Variants in VWA3A observed in about 807,000 individuals in gnomAD.
VWA3A encodes von Willebrand factor A domain-containing protein 3A.
Under a neutral mutation model 160.4 loss-of-function variants are expected in VWA3A, and 134 were observed. The ratio of observed to expected loss-of-function variants is 0.84; its 90% confidence interval spans 0.73 to 0.96. The LOEUF is 0.96. VWA3A is among the 40% of genes least tolerant of loss of function. VWA3A has a pLI of 0.00. For synonymous variants in VWA3A, 476 were observed against 543.4 expected (o/e 0.88, Z 1.72); for missense variants, 1,310 against 1,447.9 (o/e 0.90, Z 1.55).
chr16:22,149,799 C>T lies in VWA3A; in HGVS notation c.2997C>T (p.Leu999=), dbSNP rs2142022919. ...TCCTCCTCCCCAGTTTTAACCTGCT[C>T]AGCTTTGCAGAGAGCTTTCAGTCAT... ...LRKCCDSFNL[L]SFAESFQSWQ... is the part of the protein sequence containing the mutation. Residue 999 remains leucine, a synonymous_variant, in exon 29 of 34, where the codon CTC becomes CTT. Coordinates refer to ENST00000389398, the MANE Select transcript of VWA3A (RefSeq NM_173615.5). 6.2e-7 allele frequency: 1 copy of T among 1,601,076 alleles called. No homozygotes were observed. The highest frequency in any genetic ancestry group is 8.5e-7 in the Non-Finnish European group (1 of 1,170,866).
chr16:22,129,643 G>A (rs557102318), intron 17 of VWA3A, among the ~76,000 whole-genome samples: 36 of 152,156 alleles, frequency 2.4e-4, no homozygotes, highest in African/African-American at 8.4e-4. Flanking sequence ...AGAAATAAGG[G>A]GTTTTGAGCC....
At position 22,151,855 on chromosome 16, in the gene VWA3A, A is replaced by G. The variant is rs187329214; in HGVS notation, c.3282-656A>G. ...TCTAAACCATGAGCCCCATAAGTGT[A>G]ATATGTGTGTCCTTTACAGGCCTAA... is the stretch of plus-strand genomic sequence containing the variant. On this transcript the variant is annotated intron_variant, in intron 30 of 33. Transcript: ENST00000389398. Among the ~76,000 whole-genome samples the G allele has an allele frequency of 1.0e-3, 157 of 152,340 alleles. 1 individual carries two copies. Among genetic ancestry groups the G allele is most frequent in the African/African-American group, 3.5e-3 (144 of 41,588 alleles).
chr16:22,093,052 C>T (rs565518923), intron 1 of VWA3A, among the ~76,000 whole-genome samples: 1 of 152,238 alleles, frequency 6.6e-6, no homozygotes, highest in East Asian at 1.9e-4. Flanking sequence ...TCCTCTCCTG[C>T]AATCACCTCC....
chr16:22,116,244 G>A, intron 9 of VWA3A: 1 of 377,950 alleles, frequency 2.6e-6, no homozygotes, highest in Non-Finnish European at 4.9e-6. Context: ...AAGGAAAGAA[G>A]GAAAGATGGA....
chr16:22,144,894 A>T (rs2046221204), intron 26 of VWA3A, among the ~76,000 whole-genome samples: 1 of 152,138 alleles, frequency 6.6e-6, no homozygotes. Flanking sequence ...AGCCTGGGCC[A>T]TGGGGCAGGA....
In VWA3A at chr16:22,122,240, AATGG is replaced by A. The variant is rs1415693844; in HGVS notation, c.1356+639_1356+642del. ...GGGTGGGGGGGTGGGTGGGTGGATG[AATGG>A]ATGGATGGATGGATGAGTGGATGGA... On this transcript the variant is annotated intron_variant, in intron 14 of 33. Coordinates refer to ENST00000389398, the MANE Select transcript of VWA3A (RefSeq NM_173615.5). Among the ~76,000 whole-genome samples, 8 of 129,914 alleles carry A rather than the reference AATGG, an allele frequency of 6.2e-5. 1 individual carries two copies. The highest frequency in any genetic ancestry group is 2.3e-4 in the East Asian group (1 of 4,390). The allele number at this position is 129,914 out of a possible 152,430, so 85.2% of individuals were successfully genotyped here.
intron 31 of VWA3A, 78 bp from the exon 32 acceptor site, chr16:22,155,489 C>T: frequency 7.5e-7 from 1 of 1,326,262 alleles, no homozygotes; most frequent in South Asian, 1.2e-5. Flanking sequence ...GTGATTAGCT[C>T]TAAAATGCTT....
At chr16:22,145,634 C>A (rs1191924987) in intron 26 of VWA3A, among the ~76,000 whole-genome samples, 1 of 146,340 alleles carries the variant, frequency 6.8e-6, no homozygotes, top group African/African-American at 2.5e-5. Flanking sequence ...GACTGAGACT[C>A]TGTCTCAAAA....
intron 9 of VWA3A, among the ~76,000 whole-genome samples, chr16:22,115,905 GGAAGGAAGGAAGGAAGGAAA>G (rs2045628345): frequency 1.7e-4 from 6 of 35,484 alleles, no homozygotes; most frequent in Admixed American, 8.5e-4. Context: ...AAGGAAGGAA[GGAAGGAAGGAAGGAAGGAAA>G]GGAAAGGAAA....
intron 4 of VWA3A, 33 bp from the exon 5 acceptor site, chr16:22,100,383 G>T (rs72640484): frequency 4.5e-6 from 7 of 1,551,490 alleles, no homozygotes; most frequent in Non-Finnish European, 6.1e-6. Context: ...CCCTGGGCCC[G>T]AGAGATCCCC....
intron 17 of VWA3A, among the ~76,000 whole-genome samples, chr16:22,129,399 AAAAAAAGAAAG>A (rs1328110942): frequency 3.8e-5 from 5 of 132,188 alleles, no homozygotes; most frequent in African/African-American, 6.6e-5. Flanking sequence ...AAAAAAAAAA[AAAAAAAGAAAG>A]AAAGAAAGAA....
At position 22,134,388 on chromosome 16, in the gene VWA3A, A is replaced by G; in HGVS notation, c.2089A>G (p.Ile697Val). ...GDTGIYESDD[I>V]NSIMSEMEKA... is the part of the protein sequence containing the mutation. Reference sequence around the variant, plus strand: ...TCCAGGCATTTATGAGAGCGATGACATCAACTCCATCATGTCTGAGATGGA... The same window carrying G: ...TCCAGGCATTTATGAGAGCGATGACGTCAACTCCATCATGTCTGAGATGGA... The change falls in exon 21 of 34, where the codon ATC becomes GTC. Residue 697 changes from isoleucine to valine, a missense_variant. By Grantham distance (29) the Ile-to-Val change is conservative. Coordinates refer to ENST00000389398, the MANE Select transcript of VWA3A (RefSeq NM_173615.5). The G allele has an allele frequency of 1.3e-6, 2 of 1,599,438 alleles. No individual in the cohort carries two copies. The highest frequency in any genetic ancestry group is 1.7e-6 in the Non-Finnish European group (2 of 1,172,580).
Position 22,116,848 on chromosome 16 carries a change from G to GCGAT in VWA3A, c.906_909dup (p.Asp304ArgfsTer2). 1 of 1,613,118 alleles carries GCGAT rather than the reference G, an allele frequency of 6.2e-7. No individual in the cohort carries two copies. Among genetic ancestry groups the GCGAT allele is most frequent in the Non-Finnish European group, 8.5e-7 (1 of 1,179,770 alleles). ...ATCATCCACTTCATCACCTACAGATGCGATGATCAGATGCCCCCTGTGAGT... is the reference window on the plus strand; with the variant it reads ...ATCATCCACTTCATCACCTACAGATGCGATCGATGATCAGATGCCCCCTGTGAGT... On this transcript the variant is annotated frameshift_variant, in exon 10 of 34. Transcript: ENST00000389398. LOFTEE classifies it high-confidence loss of function.
intron 18 of VWA3A, 59 bp from the exon 19 acceptor site, chr16:22,131,526 A>G: frequency 3.8e-6 from 6 of 1,593,698 alleles, no homozygotes; most frequent in South Asian, 1.1e-5. Context: ...GCTACTCCCA[A>G]AAGGTATGCC....
chr16:22,112,388 T>A (rs1255515055), intron 8 of VWA3A, among the ~76,000 whole-genome samples: 1 of 152,152 alleles, frequency 6.6e-6, no homozygotes, highest in African/African-American at 2.4e-5. Context: ...ATGCCCAAAG[T>A]GGTAGAGCCA....
chr16:22,095,104 T>TA (rs2045295655), intron 1 of VWA3A, among the ~76,000 whole-genome samples: 1 of 152,142 alleles, frequency 6.6e-6, no homozygotes, highest in African/African-American at 2.4e-5. Flanking sequence ...ACACAAATTT[T>TA]AAAAAATCCC....
intron 1 of VWA3A, among the ~76,000 whole-genome samples, chr16:22,096,648 G>A (rs1044958767): frequency 6.6e-6 from 1 of 152,068 alleles, no homozygotes; most frequent in African/African-American, 2.4e-5. Flanking sequence ...GGGAGATTGA[G>A]GTGGGAGGAT....
intron 17 of VWA3A, among the ~76,000 whole-genome samples, chr16:22,126,881 T>C (rs932693565): frequency 4.6e-5 from 7 of 151,496 alleles, no homozygotes; most frequent in African/African-American, 1.7e-4. Flanking sequence ...ATACATTTAA[T>C]TATGTGTATA....
In VWA3A at chr16:22,121,050, T is replaced by G. The variant is rs768631418; in HGVS notation, c.1199T>G (p.Phe400Cys). 1.9e-6 allele frequency: 3 copies of G among 1,613,980 alleles called. No individual in the cohort carries two copies. Among genetic ancestry groups the G allele is most frequent in the Non-Finnish European group, 1.7e-6 (2 of 1,179,882 alleles). Reference protein sequence around the residue: ...PKHDAPLTIEFPNLDKTSAEW... With the variant: ...PKHDAPLTIECPNLDKTSAEW... ...CATGACGCTCCTCTCACCATTGAGT[T>G]TCCAAACTTGGACAAGACTTCTGCA... The change falls in exon 13 of 34, where the codon TTT becomes TGT. Residue 400 changes from phenylalanine (F) to cysteine (C), a missense_variant. Phe to Cys is a radical substitution (Grantham distance 205, BLOSUM62 -2). Coordinates refer to ENST00000389398, the MANE Select transcript of VWA3A (RefSeq NM_173615.5).
Sources: gnomAD v4.1 joint callset for allele counts (sites outside exome capture counted in the v4.1 genomes callset) on GRCh38, gnomAD v4.1.1 for gene constraint, MANE v1.5 for transcripts, NCBI Gene and HGNC (gene_info 2026-07-23, HGNC 2026-07-21) for gene names.